Variants in FANCI observed in about 807,000 individuals in gnomAD.
The protein encoded by FANCI is FA complementation group I.
In FANCI, 156 loss-of-function variants were observed where a neutral mutation model predicts 176.1. That is an observed-to-expected ratio of 0.89 (90% confidence interval 0.78 to 1.01). The LOEUF is 1.01. Ranked by LOEUF, FANCI falls within the 50% of genes least tolerant of loss-of-function variation. FANCI has a pLI of 0.00. For missense variants in FANCI, 1,678 were observed against 1,534.1 expected (o/e 1.09, Z -1.57); for synonymous variants, 613 against 541.7 (o/e 1.13, Z -1.83).
intron 19 of FANCI, 130 bp from the exon 20 acceptor site, chr15:89,291,483 A>G (rs2054067229): frequency 2.6e-6 from 2 of 761,658 alleles, no homozygotes; most frequent in Admixed American, 2.0e-5. Context: ...ACTTGGCTGC[A>G]TTGTTCTTTG....
chr15:89,281,020 T>C, intron 14 of FANCI, 150 bp from the exon 15 acceptor site: 1 of 721,122 alleles, frequency 1.4e-6, no homozygotes, highest in Admixed American at 2.4e-5. Context: ...AGAAAAAGTA[T>C]ATATAGAATC....
At chr15:89,315,245 A>G (rs1334119298) in intron 36 of FANCI, 37 bp from the exon 37 acceptor site, 1 of 1,471,906 alleles carries the variant, frequency 6.8e-7, no homozygotes, top group Admixed American at 1.7e-5. Flanking sequence ...AGGACCTATG[A>G]GTAGGGAGAT....
At position 89,281,151 on chromosome 15, in the gene FANCI, T is replaced by G; in HGVS notation, c.1382-19T>G. 1 of 1,612,300 alleles carries G rather than the reference T, an allele frequency of 6.2e-7. No individual in the cohort carries two copies. Among genetic ancestry groups the G allele is most frequent in the Non-Finnish European group, 8.5e-7 (1 of 1,178,718 alleles). ...TCTTTAGTTATTTGAGACAACTGAT[T>G]ATAGATTCTGTTTTTCAGACCTGCT... On this transcript the variant is annotated intron_variant, in intron 14 of 37. Coordinates refer to ENST00000310775, the MANE Select transcript of FANCI (RefSeq NM_001113378.2).
intron 9 of FANCI, among the ~76,000 whole-genome samples, chr15:89,265,655 C>T (rs900994113): frequency 6.6e-6 from 1 of 151,996 alleles, no homozygotes; most frequent in African/African-American, 2.4e-5. Flanking sequence ...TCCTGAGTAG[C>T]TGAGATTGCA....
rs16942931 is a variant in FANCI, at chr15:89,278,679, C to T, written c.1294-8C>T. 9,862 of 1,608,936 alleles carry T rather than the reference C, an allele frequency of 6.1e-3. 460 individuals carry two copies. The African/African-American group carries it at 0.1, about 17-fold the overall frequency. On this transcript the variant is annotated splice_region_variant and splice_polypyrimidine_tract_variant and intron_variant, in intron 13 of 37. Coordinates refer to ENST00000310775, the MANE Select transcript of FANCI (RefSeq NM_001113378.2). ...CCAGGAATATTTTATTTATTCTGTT[C>T]TTTTTAGATCCATGAGATGATCAGA...
At chr15:89,291,861 G>T in intron 20 of FANCI, 147 bp downstream of exon 20, 1 of 705,316 alleles carries the variant, frequency 1.4e-6, no homozygotes, top group Non-Finnish European at 2.5e-6. Context: ...TATCATTTCT[G>T]AACCATTATC....
chr15:89,275,900 T>G (rs2053392664), intron 12 of FANCI, among the ~76,000 whole-genome samples: 1 of 152,362 alleles, frequency 6.6e-6, no homozygotes, highest in East Asian at 1.9e-4. Flanking sequence ...AATAACTGGC[T>G]GGTTAGTTAC....
At position 89,293,285 on chromosome 15, in the gene FANCI, C is replaced by G. The variant is rs549733179; in HGVS notation, c.2291+222C>G. Among the ~76,000 whole-genome samples, 3 of 152,154 alleles carry G rather than the reference C, an allele frequency of 2.0e-5. No homozygotes were observed. In the South Asian group the frequency reaches 6.2e-4, roughly 32 times the overall value. ...ATGAAAGCCTTCCAGCAGGGTTTCA[C>G]TTACTCAGAATTTCCCAGACCCTGA... is the stretch of plus-strand genomic sequence containing the variant. On this transcript the variant is annotated intron_variant, in intron 22 of 37. Coordinates refer to ENST00000310775, the MANE Select transcript of FANCI (RefSeq NM_001113378.2).
At position 89,261,636 on chromosome 15, in the gene FANCI, A is replaced by C; in HGVS notation, c.340A>C (p.Ser114Arg). The change falls in exon 5 of 38, where the codon AGT (serine) becomes CGT (arginine). Residue 114 changes from serine to arginine, a missense_variant. Physicochemically the swap from Ser to Arg is moderately radical, Grantham distance 110. Around this residue, in one of 3 missense-constraint regions of FANCI, gnomAD observed 469 missense variants for 436.9 expected, o/e 1.07. Coordinates refer to ENST00000310775, the MANE Select transcript of FANCI (RefSeq NM_001113378.2). ...GGTTGAATTAGCCAATGAGTTTATT[A>C]GTGCTGTCAGAGAAGGCAGCCTAGT... ...LLVELANEFI[S>R]AVREGSLVNG... 1 of 1,614,126 alleles carries C rather than the reference A, an allele frequency of 6.2e-7. No homozygotes were observed. The highest frequency in any genetic ancestry group is 1.3e-5 in the African/African-American group (1 of 75,054).
At chr15:89,266,932 T>G (rs1002675931) in intron 9 of FANCI, among the ~76,000 whole-genome samples, 2 of 151,938 alleles carry the variant, frequency 1.3e-5, no homozygotes, top group Non-Finnish European at 2.9e-5. Flanking sequence ...AAGCAGGTAC[T>G]CTGGAGTAGT....
In FANCI at chr15:89,291,629, A is replaced by C; in HGVS notation, c.1907A>C (p.Glu636Ala). The change falls in exon 20 of 38, where the codon GAG becomes GCG. Residue 636 changes from glutamate (E) to alanine (A), a missense_variant. Physicochemically the swap from Glu to Ala is moderately radical, Grantham distance 107. This residue lies in a region of FANCI where 1,204 missense variants were observed against 1,077.4 expected (regional missense o/e 1.12). Coordinates refer to ENST00000310775, the MANE Select transcript of FANCI (RefSeq NM_001113378.2). ...TLLSQLKQFY[E>A]PKPDLLPPLK... ...TATACACAGTTAAAACAGTTCTATG[A>C]GCCAAAACCTGATCTGCTGCCTCCT... The C allele has an allele frequency of 6.2e-7, 1 of 1,613,726 alleles. No individual in the cohort carries two copies. The highest frequency in any genetic ancestry group is 8.5e-7 in the Non-Finnish European group (1 of 1,179,776).
intron 11 of FANCI, 121 bp from the exon 12 acceptor site, chr15:89,274,047 G>T (rs950519836): frequency 1.3e-6 from 1 of 767,738 alleles, no homozygotes; most frequent in Non-Finnish European, 2.1e-6. Context: ...CAGTTATAAG[G>T]TTAAGATTTA....
At chr15:89,283,275 C>T (rs753639153) in intron 17 of FANCI, 25 bp downstream of exon 17, 2 of 1,613,396 alleles carry the variant, frequency 1.2e-6, no homozygotes, top group Admixed American at 1.7e-5. Flanking sequence ...CGTTAACTTG[C>T]AGTGTGTGCG....
chr15:89,302,320 C>T (rs957832244), intron 27 of FANCI, among the ~76,000 whole-genome samples: 2 of 152,138 alleles, frequency 1.3e-5, no homozygotes, highest in Non-Finnish European at 2.9e-5. Flanking sequence ...ATCCCAGTTC[C>T]AAACAGCTCA....
In FANCI at chr15:89,260,671, G is replaced by T. The variant is rs73466674; in HGVS notation, c.158-42G>T. On this transcript the variant is annotated intron_variant, in intron 3 of 37. Transcript: ENST00000310775. ...TCGTTTTTCCTATTTACCTGTCAAT[G>T]TTGTAAGACTTGTTTCTGAACCCCC... is the stretch of plus-strand genomic sequence containing the variant. 5.4e-3 allele frequency: 8,648 copies of T among 1,609,400 alleles called. 278 individuals carry two copies. The African/African-American group carries it at 0.079, about 15-fold the overall frequency.
At chr15:89,292,299 C>T (rs1015987448) in intron 20 of FANCI, among the ~76,000 whole-genome samples, 2 of 152,174 alleles carry the variant, frequency 1.3e-5, no homozygotes, top group African/African-American at 4.8e-5. Flanking sequence ...ATGTCCTCAG[C>T]CTAGATCTAA....
intron 10 of FANCI, among the ~76,000 whole-genome samples, chr15:89,270,973 T>G (rs1405340619): frequency 2.6e-5 from 4 of 152,216 alleles, no homozygotes; most frequent in Admixed American, 6.5e-5. Context: ...CTGTATCTGT[T>G]CACTCTTTTT....
In FANCI at chr15:89,293,859, G is replaced by C; in HGVS notation, c.2318G>C (p.Ser773Thr). ...FSKNRFEDIL[S>T]LFMCYKKLSD... ...AAGAATAGGTTTGAGGACATTCTGA[G>C]CTTATTTATGTGTTACAAAAAACTC... The change falls in exon 23 of 38, where the codon AGC becomes ACC. Residue 773 changes from serine (S) to threonine (T), a missense_variant. Ser to Thr is a moderately conservative substitution (Grantham distance 58). Around this residue, in one of 3 missense-constraint regions of FANCI, gnomAD observed 1,204 missense variants for 1,077.4 expected, o/e 1.12. Transcript: ENST00000310775. The C allele has an allele frequency of 6.2e-7, 1 of 1,614,044 alleles. No homozygotes were observed. Among genetic ancestry groups the C allele is most frequent in the Middle Eastern group, 1.7e-4 (1 of 6,044 alleles).
intron 14 of FANCI, among the ~76,000 whole-genome samples, chr15:89,280,533 T>G (rs554476223): frequency 6.6e-6 from 1 of 152,332 alleles, no homozygotes; most frequent in African/African-American, 2.4e-5. Context: ...TGGTGCTTTG[T>G]GCATTTAAAT....
Sources: gnomAD v4.1 joint callset for allele counts (sites outside exome capture counted in the v4.1 genomes callset) on GRCh38, gnomAD v4.1.1 for gene constraint, gnomAD v4.1.1 regional missense constraint, MANE v1.5 for transcripts, NCBI Gene and HGNC (gene_info 2026-07-23, HGNC 2026-07-21) for gene names.